The following ARHGAP42 variants were observed in gnomAD, a reference collection of about 807,000 sequenced individuals.
ARHGAP42 encodes rho GTPase-activating protein 42.
A neutral mutation model predicts 125.0 loss-of-function variants in ARHGAP42; 63 were observed. That is an observed-to-expected ratio of 0.50 (90% CI 0.41 to 0.62). ARHGAP42 has a LOEUF of 0.62. Among genes scored for constraint, ARHGAP42 ranks in the 20% least tolerant of loss-of-function variants. The pLI is 0.00. For synonymous variants in ARHGAP42, 339 were observed against 351.0 expected, an observed-to-expected ratio of 0.97 and a Z score of 0.38; for missense variants, 766 against 1,024.2, an observed-to-expected ratio of 0.75 and a Z score of 3.44.
At chr11:100,907,622 G>T (rs1682408042) in intron 4 of ARHGAP42, among the ~76,000 whole-genome samples, 1 of 152,138 alleles carries the variant, frequency 6.6e-6, no homozygotes, top group Non-Finnish European at 1.5e-5. Flanking sequence ...ACCAAATTGA[G>T]CTTCTGGATG....
intron 4 of ARHGAP42, among the ~76,000 whole-genome samples, chr11:100,897,045 G>C (rs1438931672): frequency 1.3e-5 from 2 of 152,140 alleles, no homozygotes; most frequent in African/African-American, 4.8e-5. Flanking sequence ...TCCAGTTTCA[G>C]CTTTCTACAT....
chr11:100,853,624 T>C (rs893291377), intron 3 of ARHGAP42, among the ~76,000 whole-genome samples: 1 of 152,160 alleles, frequency 6.6e-6, no homozygotes, highest in African/African-American at 2.4e-5. Context: ...CAATCTACTC[T>C]CCTCTCCCAC....
intron 3 of ARHGAP42, among the ~76,000 whole-genome samples, chr11:100,839,244 C>T (rs1480079001): frequency 6.6e-6 from 1 of 152,182 alleles, no homozygotes; most frequent in African/African-American, 2.4e-5. Context: ...AATCCTAAAT[C>T]TGTCTCATGA....
At chr11:100,875,280 C>G (rs1865794297) in intron 4 of ARHGAP42, among the ~76,000 whole-genome samples, 1 of 151,836 alleles carries the variant, frequency 6.6e-6, no homozygotes, top group Non-Finnish European at 1.5e-5. Context: ...TCACAGTGAT[C>G]AACACAGGAA....
chr11:100,882,595 T>G (rs1387636940), intron 4 of ARHGAP42, among the ~76,000 whole-genome samples: 2 of 152,060 alleles, frequency 1.3e-5, no homozygotes, highest in African/African-American at 4.8e-5. Context: ...GTTTTGGTAT[T>G]AGGGTGGTAC....
chr11:100,757,765 A>G (rs901065164), intron 1 of ARHGAP42, among the ~76,000 whole-genome samples: 1 of 152,170 alleles, frequency 6.6e-6, no homozygotes, highest in Non-Finnish European at 1.5e-5. Flanking sequence ...CTCACAAAAA[A>G]ACACTGTGTA....
At chr11:100,973,440 A>G in intron 18 of ARHGAP42, 106 bp downstream of exon 18, 3 of 1,123,546 alleles carry the variant, frequency 2.7e-6, no homozygotes, top group South Asian at 1.5e-5. Context: ...ATTACTTCTT[A>G]ATGGGGACTT....
chr11:100,782,519 CAT>C (rs1330618146), intron 2 of ARHGAP42, among the ~76,000 whole-genome samples: 1 of 152,040 alleles, frequency 6.6e-6, no homozygotes, highest in East Asian at 1.9e-4. Flanking sequence ...TAAGGACAAA[CAT>C]ATGAGCAAGG....
chr11:100,858,876 G>A (rs1466084511), intron 3 of ARHGAP42, among the ~76,000 whole-genome samples: 3 of 151,968 alleles, frequency 2.0e-5, no homozygotes, highest in Non-Finnish European at 4.4e-5. Flanking sequence ...ATTTCTGTCT[G>A]CTTCATTCAG....
intron 2 of ARHGAP42, among the ~76,000 whole-genome samples, chr11:100,794,698 A>G (rs149671770): frequency 6.6e-6 from 1 of 152,250 alleles, no homozygotes; most frequent in Non-Finnish European, 1.5e-5. Flanking sequence ...ACGAAATAGT[A>G]GATTTGTTGC....
At chr11:100,887,152 T>C (rs1041530591) in intron 4 of ARHGAP42, among the ~76,000 whole-genome samples, 4 of 152,198 alleles carry the variant, frequency 2.6e-5, no homozygotes, top group Non-Finnish European at 5.9e-5. Context: ...GTTTGGACTT[T>C]ATGTTCAATG....
intron 1 of ARHGAP42, among the ~76,000 whole-genome samples, chr11:100,760,478 C>T (rs749471276): frequency 4.6e-5 from 7 of 152,046 alleles, no homozygotes; most frequent in Non-Finnish European, 1.0e-4. Flanking sequence ...GTGGGAGGAT[C>T]ACTTGAGGTC....
chr11:100,849,593 T>G lies in ARHGAP42; in HGVS notation c.313-9961T>G, dbSNP rs534786964. On this transcript the variant is annotated intron_variant, in intron 3 of 23. Transcript: ENST00000298815. Reference sequence around the variant, plus strand: ...CTCTTTCAGTTAATTTTTTTTTTGGTTTTATTTTTAACAACACTGTGATTA... The same window carrying G: ...CTCTTTCAGTTAATTTTTTTTTTGGGTTTATTTTTAACAACACTGTGATTA... 2.0e-5 allele frequency among the ~76,000 whole-genome samples: 3 copies of G among 151,438 alleles called. No homozygotes were observed. In the East Asian group the frequency reaches 5.8e-4, roughly 29 times the overall value.
At chr11:100,985,588 C>T (rs968876389) in intron 22 of ARHGAP42, among the ~76,000 whole-genome samples, 1 of 152,200 alleles carries the variant, frequency 6.6e-6, no homozygotes, top group Non-Finnish European at 1.5e-5. Context: ...TGCACACACA[C>T]AGTTCTTTAA....
intron 1 of ARHGAP42, among the ~76,000 whole-genome samples, chr11:100,733,318 A>G (rs1861993268): frequency 6.6e-6 from 1 of 152,248 alleles, no homozygotes; most frequent in Admixed American, 6.5e-5. Flanking sequence ...TGCTTAGCAC[A>G]TAGTAAGTGC....
Position 100,980,559 on chromosome 11 carries a change from C to CTTCTTTTTTTTTTTTTTTTTT in ARHGAP42, c.2456+1512_2456+1513insCTTTTTTTTTTTTTTTTTTTT. On this transcript the variant is annotated intron_variant, in intron 22 of 23. Coordinates refer to ENST00000298815, the MANE Select transcript of ARHGAP42 (RefSeq NM_152432.4). ...TCAAATCATACTTCTTTTTCTTCTT[C>CTTCTTTTTTTTTTTTTTTTTT]TTTTTTTTTTTTTTTTTTTTTTTTT... Among the ~76,000 whole-genome samples, 112 of 51,952 alleles carry CTTCTTTTTTTTTTTTTTTTTT rather than the reference C, an allele frequency of 2.2e-3. 18 individuals are homozygous for CTTCTTTTTTTTTTTTTTTTTT. The highest frequency in any genetic ancestry group is 2.6e-3 in the Non-Finnish European group (68 of 26,022). The allele number at this position is 51,952 out of a possible 152,430, so 34.1% of individuals were successfully genotyped here. A position where few individuals can be genotyped will look rare whatever the true frequency, so the allele number is the denominator to read the frequency against.
intron 1 of ARHGAP42, among the ~76,000 whole-genome samples, chr11:100,704,131 T>C (rs191297495): frequency 4.5e-4 from 69 of 152,346 alleles, no homozygotes; most frequent in Middle Eastern, 3.4e-3. Flanking sequence ...AACATTGAAT[T>C]GAGCCTTTTA....
chr11:100,909,582 G>A (rs1234615595), intron 4 of ARHGAP42, among the ~76,000 whole-genome samples: 4 of 152,028 alleles, frequency 2.6e-5, no homozygotes, highest in Non-Finnish European at 5.9e-5. Context: ...GACCTCGGAC[G>A]ATCCATCTCC....
chr11:100,750,097 C>A (rs573913757), intron 1 of ARHGAP42, among the ~76,000 whole-genome samples: 1 of 152,274 alleles, frequency 6.6e-6, no homozygotes, highest in South Asian at 2.1e-4. Context: ...GACTGCCCCC[C>A]AGAGGGGAAT....
Sources: gnomAD v4.1 joint callset for allele counts (sites outside exome capture counted in the v4.1 genomes callset) on GRCh38, gnomAD v4.1.1 for gene constraint, MANE v1.5 for transcripts, NCBI Gene and HGNC (gene_info 2026-07-23, HGNC 2026-07-21) for gene names.